SMYD3: variants seen among roughly 807,000 people sequenced by gnomAD.
SMYD3 encodes SET and MYND domain containing 3, also known as histone-lysine N-methyltransferase SMYD3.
A neutral mutation model predicts 57.7 loss-of-function variants in SMYD3; 36 were observed. The observed-to-expected ratio is 0.62, with a 90% CI of 0.48 to 0.82. The LOEUF (loss-of-function observed/expected upper bound fraction) is 0.82, where lower values mean the gene tolerates loss of function less well. Among genes scored for constraint, SMYD3 ranks in the 40% least tolerant of loss-of-function variants. The pLI is 0.00. For missense variants in SMYD3, 515 were observed against 538.8 expected (o/e 0.96, Z 0.44); for synonymous variants, 211 against 195.0 (o/e 1.08, Z -0.68).
intron 10 of SMYD3, among the ~76,000 whole-genome samples, chr1:245,821,937 A>C (rs2049183027): frequency 6.6e-6 from 1 of 151,692 alleles, no homozygotes. Flanking sequence ...GAACACTTTT[A>C]CACTGTTGGT....
intron 5 of SMYD3, among the ~76,000 whole-genome samples, chr1:246,199,938 T>A (rs370237565): frequency 0.053 from 8,085 of 151,908 alleles, 275 homozygotes; most frequent in Middle Eastern, 0.16. Context: ...AGATGTCCAC[T>A]GTAATAGAGA....
At chr1:246,431,716 A>G (rs962840168) in intron 1 of SMYD3, among the ~76,000 whole-genome samples, 1 of 152,202 alleles carries the variant, frequency 6.6e-6, no homozygotes, top group Non-Finnish European at 1.5e-5. Context: ...TGGGCAACAC[A>G]GTGAGATCCC....
At chr1:246,462,316 G>A (rs967922681) in intron 1 of SMYD3, among the ~76,000 whole-genome samples, 2 of 150,860 alleles carry the variant, frequency 1.3e-5, no homozygotes, top group Non-Finnish European at 1.5e-5. Context: ...GCTGGGTATA[G>A]TGAATTCTCC....
At position 245,789,696 on chromosome 1, in the gene SMYD3, A is replaced by G. The variant is rs575828514; in HGVS notation, c.1077-25547T>C. On this transcript the variant is annotated intron_variant, in intron 10 of 11. Coordinates refer to ENST00000490107, the MANE Select transcript of SMYD3 (RefSeq NM_001167740.2). Reference sequence around the variant, plus strand: ...TTTTACCTATTTCCACCATTTTCCAATTCTCCTCAACACGAATAGCTGACT... The same window carrying G: ...TTTTACCTATTTCCACCATTTTCCAGTTCTCCTCAACACGAATAGCTGACT... Among the ~76,000 whole-genome samples the G allele has an allele frequency of 2.6e-5, 4 of 152,334 alleles. No individual in the cohort carries two copies. In the East Asian group the frequency reaches 5.8e-4, roughly 22 times the overall value.
chr1:246,001,240 A>G (rs2059037464), intron 5 of SMYD3, among the ~76,000 whole-genome samples: 1 of 152,186 alleles, frequency 6.6e-6, no homozygotes, highest in South Asian at 2.1e-4. Flanking sequence ...GACATCTCGG[A>G]AAGTGTTGCT....
chr1:246,135,568 A>T (rs2148085967), intron 5 of SMYD3, among the ~76,000 whole-genome samples: 1 of 152,216 alleles, frequency 6.6e-6, no homozygotes, highest in East Asian at 1.9e-4. Flanking sequence ...TAAGATGCAG[A>T]GGCAAAAGTG....
chr1:246,157,573 T>G (rs2062041175), intron 5 of SMYD3, among the ~76,000 whole-genome samples: 1 of 152,116 alleles, frequency 6.6e-6, no homozygotes. Context: ...TTCCTCTATA[T>G]CCATTATCAG....
chr1:246,108,015 G>A (rs1449180171), intron 5 of SMYD3, among the ~76,000 whole-genome samples: 1 of 152,174 alleles, frequency 6.6e-6, no homozygotes, highest in Non-Finnish European at 1.5e-5. Context: ...TCTAAGATAG[G>A]TAGTTTCTGG....
At chr1:245,827,113 G>C (rs1347309598) in intron 10 of SMYD3, among the ~76,000 whole-genome samples, 1 of 152,178 alleles carries the variant, frequency 6.6e-6, no homozygotes, top group Non-Finnish European at 1.5e-5. Context: ...CGTTTTCACA[G>C]AAACTTCAGG....
chr1:245,849,726 C>T (rs1215598594), intron 10 of SMYD3, among the ~76,000 whole-genome samples: 1 of 152,172 alleles, frequency 6.6e-6, no homozygotes, highest in Admixed American at 6.5e-5. Flanking sequence ...GATCACAGCT[C>T]ACTGCAGCCT....
chr1:245,921,547 G>GTATATATATATATATATATATA (rs1491323831), intron 7 of SMYD3, among the ~76,000 whole-genome samples: 748 of 34,706 alleles, frequency 0.022, 37 homozygotes, highest in East Asian at 0.038. Flanking sequence ...AAAAAATGTG[G>GTATATATATATATATATATATA]TGTATATATA....
chr1:246,301,192 T>G (rs1417527267), intron 5 of SMYD3, among the ~76,000 whole-genome samples: 1 of 152,114 alleles, frequency 6.6e-6, no homozygotes, highest in Admixed American at 6.6e-5. Flanking sequence ...CAAAGTCTAA[T>G]GAACAAATAA....
In SMYD3 at chr1:246,015,929, G is replaced by T. The variant is rs578158109; in HGVS notation, c.532-85992C>A. Among the ~76,000 whole-genome samples, 4 of 152,274 alleles carry T rather than the reference G, an allele frequency of 2.6e-5. No homozygotes were observed. In the East Asian group the frequency reaches 5.8e-4, roughly 22 times the overall value. On this transcript the variant is annotated intron_variant, in intron 5 of 11. Transcript: ENST00000490107. ...GGGGTGTATACCTAGAAAGAGAACT[G>T]CTGGATCATATAATAATTTTATTTC... is the stretch of plus-strand genomic sequence containing the variant.
intron 5 of SMYD3, among the ~76,000 whole-genome samples, chr1:246,094,075 G>A (rs144020133): frequency 1.7e-3 from 260 of 152,200 alleles, no homozygotes; most frequent in African/African-American, 5.7e-3. Flanking sequence ...CATGTCCTAG[G>A]AACACAGCTG....
Position 246,077,545 on chromosome 1 carries a change from G to A in SMYD3, c.532-147608C>T, listed in dbSNP as rs544518100. Among the ~76,000 whole-genome samples, 344 of 142,384 alleles carry A rather than the reference G, an allele frequency of 2.4e-3. 1 individual carries two copies. Among genetic ancestry groups the A allele is most frequent in the African/African-American group, 9.1e-3 (329 of 36,146 alleles). The allele number at this position is 142,384 out of a possible 152,430, so 93.4% of individuals were successfully genotyped here. A position where few individuals can be genotyped will look rare whatever the true frequency, so the allele number is the denominator to read the frequency against. ...AGAATAATTTAAAATTTAAAAAAAA[G>A]AGAGAAGAGGAATCTTTTTTTTTTC... On this transcript the variant is annotated intron_variant, in intron 5 of 11. Coordinates refer to ENST00000490107, the MANE Select transcript of SMYD3 (RefSeq NM_001167740.2).
At chr1:245,930,476 C>A in intron 5 of SMYD3, 1 of 289,762 alleles carries the variant, frequency 3.5e-6, no homozygotes, top group Non-Finnish European at 6.6e-6. Flanking sequence ...TTTAGTCAAG[C>A]CATGGTATTT....
chr1:246,481,410 C>A (rs1367912892), intron 1 of SMYD3, among the ~76,000 whole-genome samples: 1 of 150,726 alleles, frequency 6.6e-6, no homozygotes, highest in Non-Finnish European at 1.5e-5. Context: ...CCAATTAGAA[C>A]AAAAGAATGG....
At chr1:246,176,802 T>C (rs908690497) in intron 5 of SMYD3, among the ~76,000 whole-genome samples, 1 of 152,200 alleles carries the variant, frequency 6.6e-6, no homozygotes, top group Non-Finnish European at 1.5e-5. Context: ...GGATTACAGA[T>C]GTGAGCCACC....
chr1:245,951,781 C>T (rs1249548347), intron 5 of SMYD3, among the ~76,000 whole-genome samples: 1 of 151,728 alleles, frequency 6.6e-6, no homozygotes, highest in African/African-American at 2.4e-5. Context: ...TTCATTATTA[C>T]AAACAAAAGG....
Sources: allele counts gnomAD v4.1 joint callset (sites outside exome capture counted in the v4.1 genomes callset), GRCh38; gene constraint gnomAD v4.1.1; transcripts MANE v1.5; gene names NCBI Gene and HGNC (gene_info 2026-07-23, HGNC 2026-07-21).